The following CASK variants were observed in gnomAD, a reference collection of about 807,000 sequenced individuals.
CASK encodes the protein peripheral plasma membrane protein CASK.
In CASK, 4 loss-of-function variants were observed where a neutral mutation model predicts 82.9. The observed-to-expected ratio is 0.05, with a 90% CI of 0.02 to 0.11. The LOEUF is 0.11. Among genes scored for constraint, CASK ranks in the 10% least tolerant of loss-of-function variants. The probability of loss-of-function intolerance (pLI) is 1.00; values close to 1 mark genes in which losing one functional copy is unlikely to be tolerated. For missense variants in CASK, 358 were observed against 720.9 expected (o/e 0.50, Z 5.76); for synonymous variants, 259 against 253.5 (o/e 1.02, Z -0.20).
intron 19 of CASK, chrX:41,556,031 A>G (rs2065156448): frequency 7.9e-6 from 1 of 127,335 alleles, no homozygotes; most frequent in Non-Finnish European, 1.6e-5. Context: ...TCATCATCTT[A>G]AAAGTATTAA....
At chrX:41,658,672 A>G (rs2066981154) in intron 8 of CASK, among the ~76,000 whole-genome samples, 1 of 111,456 alleles carries the variant, frequency 9.0e-6, no homozygotes, top group East Asian at 2.8e-4. Context: ...AGGATCTGAG[A>G]AGGAGCAGCC....
intron 5 of CASK, among the ~76,000 whole-genome samples, chrX:41,717,372 G>C (rs2068080566): frequency 8.9e-6 from 1 of 112,370 alleles, no homozygotes; most frequent in Non-Finnish European, 1.9e-5. Flanking sequence ...GGAGTGGACT[G>C]AGGGGGCAGC....
chrX:41,895,825 G>T (rs1370811638), intron 1 of CASK, among the ~76,000 whole-genome samples: 1 of 111,742 alleles, frequency 8.9e-6, no homozygotes, highest in Non-Finnish European at 1.9e-5. Flanking sequence ...AAAAGCTCAG[G>T]AATTGCAGCT....
chrX:41,723,842 T>C (rs1214220628), intron 5 of CASK, among the ~76,000 whole-genome samples: 1 of 112,339 alleles, frequency 8.9e-6, no homozygotes, highest in African/African-American at 3.2e-5. Context: ...CAAACAATTT[T>C]ACAAACGAGT....
intron 14 of CASK, chrX:41,584,170 C>G (rs1230000922): frequency 1.8e-5 from 2 of 112,699 alleles, no homozygotes; most frequent in Non-Finnish European, 3.7e-5. Context: ...TACTATGTGC[C>G]CTATACATGA....
intron 5 of CASK, among the ~76,000 whole-genome samples, chrX:41,686,551 T>TCTAACAAGCTTCTG (rs1338345783): frequency 1.8e-5 from 2 of 111,294 alleles, no homozygotes; most frequent in Non-Finnish European, 3.8e-5. Flanking sequence ...AACATACATT[T>TCTAACAAGCTTCTG]CTAACAAGCT....
At chrX:41,902,314 A>G (rs1348467693) in intron 1 of CASK, among the ~76,000 whole-genome samples, 2 of 111,658 alleles carry the variant, frequency 1.8e-5, no homozygotes, top group Admixed American at 9.5e-5. Flanking sequence ...GAAATCTCAA[A>G]TCAAGATGTT....
chrX:41,726,880 A>G (rs2068270048), intron 5 of CASK: 3 of 353,101 alleles, frequency 8.5e-6, no homozygotes, highest in Non-Finnish European at 1.5e-5. Flanking sequence ...TCCATCCAAT[A>G]CATTTTTGTT....
At chrX:41,775,933 C>G (rs1434751750) in intron 3 of CASK, among the ~76,000 whole-genome samples, 1 of 104,740 alleles carries the variant, frequency 9.5e-6, no homozygotes, top group Non-Finnish European at 2.0e-5. Flanking sequence ...ACACCTAATG[C>G]TAGATGACAA....
chrX:41,779,362 T>A (rs758986851), intron 3 of CASK, among the ~76,000 whole-genome samples: 1 of 112,198 alleles, frequency 8.9e-6, no homozygotes, highest in African/African-American at 3.2e-5. Context: ...TGTGCCTGGT[T>A]TCCCCTGGAC....
intron 5 of CASK, among the ~76,000 whole-genome samples, chrX:41,691,629 C>T (rs1185632180): frequency 9.2e-6 from 1 of 108,681 alleles, no homozygotes; most frequent in Non-Finnish European, 1.9e-5. Flanking sequence ...GAGGCAGAGG[C>T]GGGCGGAAAA....
rs754245571 is a variant in CASK, at chrX:41,782,475, C to T, written c.278+4703G>A. 1.6e-3 allele frequency among the ~76,000 whole-genome samples: 184 copies of T among 112,131 alleles called. 1 individual carries two copies. Among genetic ancestry groups the T allele is most frequent in the Non-Finnish European group, 2.4e-3 (130 of 53,243 alleles). On this transcript the variant is annotated intron_variant, in intron 3 of 26. Transcript: ENST00000378163. ...AAAATTAGTTACATAAAATCCCACA[C>T]AGACTACTTCAACAATGAGGGACTA...
intron 8 of CASK, chrX:41,660,217 C>G (rs2067011486): frequency 2.2e-6 from 1 of 446,460 alleles, no homozygotes; most frequent in Admixed American, 3.8e-5. Context: ...CTGTCTTAAT[C>G]CTGTTTTTTA....
At chrX:41,593,627 C>T (rs1302990109) in intron 12 of CASK, among the ~76,000 whole-genome samples, 2 of 111,453 alleles carry the variant, frequency 1.8e-5, no homozygotes, top group Non-Finnish European at 3.8e-5. Context: ...GTGGGCAACC[C>T]GAAGTTGGAA....
At chrX:41,760,806 A>C (rs1053956582) in intron 3 of CASK, among the ~76,000 whole-genome samples, 5 of 111,626 alleles carry the variant, frequency 4.5e-5, no homozygotes, top group African/African-American at 1.6e-4. Context: ...CAAATACCTT[A>C]TGTGCAATTC....
intron 1 of CASK, among the ~76,000 whole-genome samples, chrX:41,905,680 G>T (rs1378073492): frequency 1.8e-5 from 2 of 112,920 alleles, no homozygotes; most frequent in Non-Finnish European, 3.7e-5. Flanking sequence ...CTAGCTAGGT[G>T]ACTGATTAGG....
intron 1 of CASK, among the ~76,000 whole-genome samples, chrX:41,906,642 A>C (rs2072475041): frequency 8.9e-6 from 1 of 112,328 alleles, no homozygotes; most frequent in Non-Finnish European, 1.9e-5. Flanking sequence ...ACATGAGGGC[A>C]GGACAACACA....
At chrX:41,530,979 T>C in intron 25 of CASK, 28 bp downstream of exon 25, 6 of 1,170,791 alleles carry the variant, frequency 5.1e-6, no homozygotes, top group Non-Finnish European at 7.0e-6. Flanking sequence ...AGGCAGGATG[T>C]CAGACATTCG....
intron 25 of CASK, among the ~76,000 whole-genome samples, chrX:41,526,710 G>C (rs180891277): frequency 3.5e-4 from 39 of 111,798 alleles, no homozygotes; most frequent in Non-Finnish European, 6.6e-4. Flanking sequence ...AGGAAGTTCA[G>C]AGCCAAATTT....
Sources: gnomAD v4.1 joint callset for allele counts (sites outside exome capture counted in the v4.1 genomes callset) on GRCh38, gnomAD v4.1.1 for gene constraint, MANE v1.5 for transcripts, NCBI Gene and HGNC (gene_info 2026-07-23, HGNC 2026-07-21) for gene names.